Variants in ZNF770 observed in about 807,000 individuals in gnomAD.
ZNF770 encodes zinc finger protein 770.
Under a neutral mutation model 44.8 loss-of-function variants are expected in ZNF770, and 13 were observed. That is an observed-to-expected ratio of 0.29 (90% CI 0.19 to 0.46). The LOEUF is 0.46. ZNF770 is among the 20% of genes least tolerant of loss of function. The probability of loss-of-function intolerance (pLI) is 1.00; values close to 1 mark genes in which losing one functional copy is unlikely to be tolerated. For synonymous variants in ZNF770, 304 were observed against 271.8 expected, an observed-to-expected ratio of 1.12 and a Z score of -1.17; for missense variants, 681 against 797.9, an observed-to-expected ratio of 0.85 and a Z score of 1.77.
rs1200338820 is a variant in ZNF770, at chr15:34,982,328, A to G, written c.1107T>C (p.Cys369=). Residue 369 remains cysteine, a synonymous_variant, in exon 3 of 3, where the codon TGT becomes TGC. Coordinates refer to ENST00000356321, the MANE Select transcript of ZNF770 (RefSeq NM_014106.4). The stretch of plus-strand genomic sequence containing the variant: ...AGCTCTGCTCACCAGAAATAAGATC[A>G]CAATTTCTCAAGAAACTCTTTTTAA... ...KVFKKSFLRN[C]DLISGEQSSE... 6.2e-7 allele frequency: 1 copy of G among 1,608,896 alleles called. No homozygotes were observed. The highest frequency in any genetic ancestry group is 8.5e-7 in the Non-Finnish European group (1 of 1,178,762).
At position 34,982,049 on chromosome 15, in the gene ZNF770, T is replaced by C. The variant is rs374402056; in HGVS notation, c.1386A>G (p.Ser462=). 5 of 1,613,546 alleles carry C rather than the reference T, an allele frequency of 3.1e-6. No homozygotes were observed. The highest frequency in any genetic ancestry group is 1.3e-5 in the African/African-American group (1 of 74,944). Residue 462 remains serine (S), a synonymous_variant, in exon 3 of 3, where the codon TCA becomes TCG. Transcript: ENST00000356321. Reference sequence around the variant, plus strand: ...TAGTACGTATGTTTTCCCTTGGAACTGAAAAACCACACTGAAGTACCTCAC... The same window carrying C: ...TAGTACGTATGTTTTCCCTTGGAACCGAAAAACCACACTGAAGTACCTCAC... ...NNCEVLQCGF[S]VPRENIRTRH...
intron 2 of ZNF770, among the ~76,000 whole-genome samples, chr15:34,987,051 A>G (rs1469952719): frequency 6.6e-6 from 1 of 152,244 alleles, no homozygotes; most frequent in Non-Finnish European, 1.5e-5. Context: ...ATTTTGGTAT[A>G]AAGCCAGATT....
At position 34,980,784 on chromosome 15, in the gene ZNF770, A is replaced by C. The variant is rs1317964468; in HGVS notation, c.*575T>G. 6.6e-6 allele frequency: 1 copy of C among 152,186 alleles called. No homozygotes were observed. The highest frequency in any genetic ancestry group is 2.4e-5 in the African/African-American group (1 of 41,414). The allele number at this position is 152,186 out of a possible 1,614,324, so 9.4% of individuals were successfully genotyped here. ...GAGTGAGACTCCATCTCAAAAAAAA[A>C]GACCAATGAAAATAATACTATAATT... On this transcript the variant is annotated 3_prime_UTR_variant, in exon 3 of 3. Coordinates refer to ENST00000356321, the MANE Select transcript of ZNF770 (RefSeq NM_014106.4).
intron 2 of ZNF770, among the ~76,000 whole-genome samples, chr15:34,983,821 A>T (rs567040750): frequency 1.3e-5 from 2 of 152,332 alleles, no homozygotes; most frequent in South Asian, 4.1e-4. Context: ...TATTAGGTAG[A>T]TTTGCCAGTA....
intron 2 of ZNF770, among the ~76,000 whole-genome samples, chr15:34,987,032 T>C (rs145051429): frequency 6.0e-4 from 91 of 152,352 alleles, no homozygotes; most frequent in Middle Eastern, 3.4e-3. Flanking sequence ...GACTGAATGA[T>C]CACACAGGAT....
chr15:34,981,388 T>G lies in ZNF770; in HGVS notation c.2047A>C (p.Lys683Gln), dbSNP rs1201145431. Residue 683 changes from lysine to glutamine, a missense_variant, in exon 3 of 3, where the codon AAA becomes CAA. Coordinates refer to ENST00000356321, the MANE Select transcript of ZNF770 (RefSeq NM_014106.4). Reference protein sequence around the residue: ...LTHFKERPQGKVVALDSVM With the variant: ...LTHFKERPQGQVVALDSVM ...ATAACCGAATCTAAGGCAACCACTTTCCCTTGTGGTCGTTCTTTAAAGTGA... is the reference window on the plus strand; with the variant it reads ...ATAACCGAATCTAAGGCAACCACTTGCCCTTGTGGTCGTTCTTTAAAGTGA... 1 of 1,612,336 alleles carries G rather than the reference T, an allele frequency of 6.2e-7. No homozygotes were observed. The highest frequency in any genetic ancestry group is 8.5e-7 in the Non-Finnish European group (1 of 1,179,822).
chr15:34,986,649 G>T (rs74008017), intron 2 of ZNF770, among the ~76,000 whole-genome samples: 9,190 of 152,282 alleles, frequency 0.06, 957 homozygotes, highest in African/African-American at 0.21. Flanking sequence ...AAGGACACTG[G>T]GTGAGGGTCA....
Position 34,983,201 on chromosome 15 carries a change from A to C in ZNF770, c.234T>G (p.Ser78Arg). Residue 78 changes from serine (S) to arginine (R), a missense_variant, in exon 3 of 3, where the codon AGT (serine) becomes AGG (arginine). This residue lies in a region of ZNF770 where 65 missense variants were observed against 115.0 expected (regional missense o/e 0.57). Coordinates refer to ENST00000356321, the MANE Select transcript of ZNF770 (RefSeq NM_014106.4). ...VHLERHQLTH[S>R]LPFKCSICQR... ...GACAAATACTACATTTAAAAGGCAG[A>C]CTATGAGTTAGTTGATGCCTCTCCA... 6.2e-7 allele frequency: 1 copy of C among 1,613,718 alleles called. No homozygotes were observed. The highest frequency in any genetic ancestry group is 1.3e-5 in the African/African-American group (1 of 75,052).
chr15:34,985,328 G>C (rs1009128024), intron 2 of ZNF770, among the ~76,000 whole-genome samples: 1 of 152,002 alleles, frequency 6.6e-6, no homozygotes, highest in African/African-American at 2.4e-5. Flanking sequence ...TTCTAGATCA[G>C]AGAGTTCTAA....
At chr15:34,985,441 ACTGTGGTT>A (rs1159925115) in intron 2 of ZNF770, among the ~76,000 whole-genome samples, 2 of 152,068 alleles carry the variant, frequency 1.3e-5, no homozygotes, top group Non-Finnish European at 2.9e-5. Context: ...AAACATACCC[ACTGTGGTT>A]CTTTAGCAAT....
At position 34,982,429 on chromosome 15, in the gene ZNF770, C is replaced by A. The variant is rs756008523; in HGVS notation, c.1006G>T (p.Val336Phe). 11 of 1,613,628 alleles carry A rather than the reference C, an allele frequency of 6.8e-6. No homozygotes were observed. Among genetic ancestry groups the A allele is most frequent in the Non-Finnish European group, 9.3e-6 (11 of 1,179,792 alleles). Residue 336 changes from valine to phenylalanine, a missense_variant, in exon 3 of 3, where the codon GTT becomes TTT. Around this residue, in one of 5 missense-constraint regions of ZNF770, gnomAD observed 432 missense variants for 434.1 expected, o/e 1.00. Transcript: ENST00000356321. ...TTAAGCTTGGCCAAGATTTTTTTAA[C>A]AATGGTTTTATAGTTGTAGCTTCTT... ...FKRSYNYKTIVKKILAKLKRA... is the reference protein window; with the variant it reads ...FKRSYNYKTIFKKILAKLKRA...
intron 2 of ZNF770, among the ~76,000 whole-genome samples, chr15:34,984,487 G>A (rs571199165): frequency 4.1e-4 from 62 of 151,580 alleles, no homozygotes; most frequent in African/African-American, 1.1e-3. Flanking sequence ...GTGAAACCCC[G>A]CCTCTAGTAA....
Position 34,983,447 on chromosome 15 carries a change from T to C in ZNF770, c.-13A>G, listed in dbSNP as rs1376711303. The stretch of plus-strand genomic sequence containing the variant: ...TTTCAGCCATCATATTCTTCAATGA[T>C]ATACTCTGATGAGCTCCATACTGTT... On this transcript the variant is annotated 5_prime_UTR_variant, in exon 3 of 3. The change creates a new upstream start codon in the 5' untranslated region. Transcript: ENST00000356321. The C allele has an allele frequency of 1.2e-5, 18 of 1,534,600 alleles. No individual in the cohort carries two copies. Among genetic ancestry groups the C allele is most frequent in the Non-Finnish European group, 1.6e-5 (18 of 1,140,412 alleles).
At chr15:34,986,014 T>TA (rs1169958224) in intron 2 of ZNF770, among the ~76,000 whole-genome samples, 1 of 151,462 alleles carries the variant, frequency 6.6e-6, no homozygotes, top group Non-Finnish European at 1.5e-5. Context: ...TAGGAAGAAG[T>TA]AAAAAAGTTT....
rs1204080523 is a variant in ZNF770, at chr15:34,978,904, C to A, written c.*2455G>T. On this transcript the variant is annotated 3_prime_UTR_variant, in exon 3 of 3. Transcript: ENST00000356321. ...TGTATACTTTATCCCTAGACTAATA[C>A]CTAATGCAATGTAAATGCTATTTAA... The A allele has an allele frequency of 6.6e-6, 1 of 152,174 alleles. No homozygotes were observed. Among genetic ancestry groups the A allele is most frequent in the Non-Finnish European group, 1.5e-5 (1 of 68,036 alleles). 9.4% of individuals were successfully genotyped at this position (152,174 alleles called of 1,614,324 possible).
intron 2 of ZNF770, among the ~76,000 whole-genome samples, chr15:34,984,864 G>A (rs577142476): frequency 6.6e-6 from 1 of 151,878 alleles, no homozygotes; most frequent in Non-Finnish European, 1.5e-5. Context: ...CCAGTGCAGT[G>A]GCTCACACCT....
Position 34,982,693 on chromosome 15 carries a change from A to G in ZNF770, c.742T>C (p.Leu248=), listed in dbSNP as rs200692827. The change falls in exon 3 of 3, where the codon TTA becomes CTA. Residue 248 remains leucine (L), a synonymous_variant. Coordinates refer to ENST00000356321, the MANE Select transcript of ZNF770 (RefSeq NM_014106.4). ...GATTCTGTACGCCTCTTCTTTAATA[A>G]AAGAGCCCGAAAAGCCTTATTCCTA... The part of the protein sequence containing the change: ...HTRNKAFRAL[L]LKKRRTESRP... 6.2e-6 allele frequency: 10 copies of G among 1,612,848 alleles called. No individual in the cohort carries two copies. Among genetic ancestry groups the G allele is most frequent in the Non-Finnish European group, 7.6e-6 (9 of 1,179,936 alleles).
At chr15:34,983,595 T>C (rs983651300) in intron 2 of ZNF770, 105 bp from the exon 3 acceptor site, 55 of 501,842 alleles carry the variant, frequency 1.1e-4, no homozygotes, top group African/African-American at 8.4e-4. Context: ...AAGGAGAATC[T>C]GGACTTAGTG....
In ZNF770 at chr15:34,981,106, A is replaced by C. The variant is rs1007033030; in HGVS notation, c.*253T>G. 4.8e-6 allele frequency: 2 copies of C among 415,462 alleles called. No homozygotes were observed. Among genetic ancestry groups the C allele is most frequent in the Non-Finnish European group, 4.3e-6 (1 of 233,980 alleles). The allele number at this position is 415,462 out of a possible 1,614,324, so 25.7% of individuals were successfully genotyped here. A position where few individuals can be genotyped will look rare whatever the true frequency, so the allele number is the denominator to read the frequency against. On this transcript the variant is annotated 3_prime_UTR_variant, in exon 3 of 3. Coordinates refer to ENST00000356321, the MANE Select transcript of ZNF770 (RefSeq NM_014106.4). ...GGATTTATATTTTTCAATACAGCCA[A>C]AGTATATGTTTACAATATTAAAATG...
Sources: gnomAD v4.1 joint callset for allele counts (sites outside exome capture counted in the v4.1 genomes callset) on GRCh38, gnomAD v4.1.1 for gene constraint, gnomAD v4.1.1 regional missense constraint, MANE v1.5 for transcripts, NCBI Gene and HGNC (gene_info 2026-07-23, HGNC 2026-07-21) for gene names.